The following ZNF385D variants were observed in gnomAD, a reference collection of about 807,000 sequenced individuals.
ZNF385D encodes zinc finger protein 385D.
A neutral mutation model predicts 35.8 loss-of-function variants in ZNF385D; 15 were observed. The observed-to-expected ratio is 0.42, with a 90% CI of 0.28 to 0.64. The LOEUF is 0.64. Among genes scored for constraint, ZNF385D ranks in the 30% least tolerant of loss-of-function variants. The pLI is 0.23. For synonymous variants in ZNF385D, 212 were observed against 186.8 expected (o/e 1.13, Z -1.10); for missense variants, 474 against 494.6 (o/e 0.96, Z 0.39).
intron 3 of ZNF385D, among the ~76,000 whole-genome samples, chr3:21,771,068 C>T (rs1268375014): frequency 1.4e-5 from 2 of 140,524 alleles, no homozygotes; most frequent in East Asian, 2.1e-4. Flanking sequence ...GGAAGGGGAA[C>T]ATCACACACT....
At chr3:22,038,605 T>G (rs1166158405) in intron 3 of ZNF385D, among the ~76,000 whole-genome samples, 1 of 152,186 alleles carries the variant, frequency 6.6e-6, no homozygotes, top group Non-Finnish European at 1.5e-5. Context: ...CAGTCCTCAT[T>G]TGCTTTTTTA....
intron 3 of ZNF385D, among the ~76,000 whole-genome samples, chr3:21,904,012 T>C (rs73129331): frequency 0.012 from 1,836 of 152,136 alleles, 32 homozygotes; most frequent in African/African-American, 0.042. Context: ...CAATTTATTA[T>C]TATAATTGGT....
chr3:21,855,379 A>T (rs1696651364), intron 3 of ZNF385D, among the ~76,000 whole-genome samples: 1 of 152,158 alleles, frequency 6.6e-6, no homozygotes, highest in African/African-American at 2.4e-5. Context: ...CATACTGTAC[A>T]GACTGCTGAG....
intron 1 of ZNF385D, among the ~76,000 whole-genome samples, chr3:21,739,116 G>A (rs867287417): frequency 3.3e-5 from 5 of 152,182 alleles, no homozygotes; most frequent in Admixed American, 1.3e-4. Flanking sequence ...GTAGTGACTG[G>A]CAAAGCCAGC....
intron 3 of ZNF385D, among the ~76,000 whole-genome samples, chr3:21,817,479 A>G (rs1477915309): frequency 6.6e-6 from 1 of 152,198 alleles, no homozygotes; most frequent in African/African-American, 2.4e-5. Flanking sequence ...AGTTAAACAA[A>G]TTTACAAGAA....
chr3:21,710,293 G>A (rs1026842187), intron 1 of ZNF385D, among the ~76,000 whole-genome samples: 1 of 152,168 alleles, frequency 6.6e-6, no homozygotes, highest in African/African-American at 2.4e-5. Flanking sequence ...ACACTTTTAC[G>A]AAAATAAATA....
rs57782453 is a variant in ZNF385D at position 22,298,096 on chromosome 3, C to T, written c.106+74354G>A. Among the ~76,000 whole-genome samples, 373 of 151,984 alleles carry T rather than the reference C, an allele frequency of 2.5e-3. 7 individuals carry two copies. The highest frequency in any genetic ancestry group is 8.4e-3 in the African/African-American group (349 of 41,494). ...GTCTCTATTGCTTGATTTATTTAAA[C>T]AGGCATATAATCTTCGTGCTTTAAG... On this transcript the variant is annotated intron_variant, in intron 2 of 5. Transcript: ENST00000494108.
intron 3 of ZNF385D, among the ~76,000 whole-genome samples, chr3:21,548,708 A>G (rs1347222397): frequency 2.0e-5 from 3 of 152,202 alleles, no homozygotes. Flanking sequence ...TGTGTGCAGA[A>G]CTTAAGTGAC....
rs151138512 is a variant in ZNF385D at position 22,082,177 on chromosome 3, C to T, written c.325+86640G>A. On this transcript the variant is annotated intron_variant, in intron 3 of 5. Transcript: ENST00000494108. Reference sequence around the variant, plus strand: ...ATTTCTGCATTTCCAATTGAGGCACCTGGTTTATCTCACTGGGACAGGTTG... The same window carrying T: ...ATTTCTGCATTTCCAATTGAGGCACTTGGTTTATCTCACTGGGACAGGTTG... 5.4e-3 allele frequency among the ~76,000 whole-genome samples: 821 copies of T among 152,154 alleles called. 3 individuals are homozygous for T. Among genetic ancestry groups the T allele is most frequent in the Non-Finnish European group, 8.9e-3 (604 of 67,996 alleles).
intron 2 of ZNF385D, among the ~76,000 whole-genome samples, chr3:21,651,897 C>G (rs777095466): frequency 4.1e-4 from 62 of 152,292 alleles, no homozygotes; most frequent in Non-Finnish European, 7.4e-4. Context: ...AAATCTACCA[C>G]TTCTGAGAAA....
intron 2 of ZNF385D, among the ~76,000 whole-genome samples, chr3:21,644,210 A>G (rs2065685692): frequency 6.6e-6 from 1 of 152,160 alleles, no homozygotes; most frequent in African/African-American, 2.4e-5. Context: ...TTCTACATAA[A>G]GACCAAAACA....
intron 3 of ZNF385D, among the ~76,000 whole-genome samples, chr3:21,946,627 T>C (rs1047677793): frequency 6.6e-6 from 1 of 151,906 alleles, no homozygotes; most frequent in African/African-American, 2.4e-5. Flanking sequence ...AGCTCAGGAG[T>C]TGGAGACCAG....
chr3:21,810,284 T>C (rs756657398), intron 3 of ZNF385D, among the ~76,000 whole-genome samples: 2 of 151,940 alleles, frequency 1.3e-5, no homozygotes, highest in Non-Finnish European at 2.9e-5. Flanking sequence ...ATCATATTAA[T>C]TGATATAGAA....
intron 2 of ZNF385D, among the ~76,000 whole-genome samples, chr3:21,626,143 G>T (rs902193269): frequency 6.6e-6 from 1 of 152,052 alleles, no homozygotes; most frequent in African/African-American, 2.4e-5. Context: ...CAAAGCTCTT[G>T]TTCTAAGTAA....
chr3:21,931,443 T>C lies in ZNF385D; in HGVS notation c.325+237374A>G, dbSNP rs919476446. Among the ~76,000 whole-genome samples the C allele has an allele frequency of 4.6e-5, 7 of 152,208 alleles. 1 individual carries two copies. Among genetic ancestry groups the C allele is most frequent in the Admixed American group, 4.6e-4 (7 of 15,280 alleles). ...ATGACCCAGCAGTTACATTCCTAGA[T>C]ATTTACTTAAATGAAAAACGTATGT... On this transcript the variant is annotated intron_variant, in intron 3 of 5. Transcript: ENST00000494108.
At chr3:22,180,701 T>C (rs886880259) in intron 2 of ZNF385D, among the ~76,000 whole-genome samples, 14 of 152,044 alleles carry the variant, frequency 9.2e-5, no homozygotes, top group Non-Finnish European at 1.8e-4. Flanking sequence ...ATTATCTCAA[T>C]AGATGCAGAA....
chr3:21,962,021 A>G (rs534613107), intron 3 of ZNF385D, among the ~76,000 whole-genome samples: 1 of 152,274 alleles, frequency 6.6e-6, no homozygotes, highest in East Asian at 1.9e-4. Flanking sequence ...CTTAATCCTA[A>G]GAGCAACAGA....
At chr3:21,673,852 T>A (rs1334100795) in intron 1 of ZNF385D, among the ~76,000 whole-genome samples, 1 of 152,130 alleles carries the variant, frequency 6.6e-6, no homozygotes, top group Non-Finnish European at 1.5e-5. Context: ...AGTTTTCATT[T>A]CTGCCAACAA....
chr3:21,546,794 G>A (rs1186356795), intron 3 of ZNF385D, among the ~76,000 whole-genome samples: 6 of 151,188 alleles, frequency 4.0e-5, no homozygotes, highest in East Asian at 2.0e-4. Flanking sequence ...GGCAGTAGGT[G>A]GGAAAGAGAC....
Sources: allele counts gnomAD v4.1 joint callset (sites outside exome capture counted in the v4.1 genomes callset), GRCh38; gene constraint gnomAD v4.1.1; transcripts MANE v1.5; gene names NCBI Gene and HGNC (gene_info 2026-07-23, HGNC 2026-07-21).